The following MEIS3 variants were observed in gnomAD, a reference collection of about 807,000 sequenced individuals.
MEIS3 encodes homeobox protein Meis3.
Under a neutral mutation model 51.4 loss-of-function variants are expected in MEIS3, and 38 were observed. The observed-to-expected ratio is 0.74, with a 90% CI of 0.57 to 0.97. The LOEUF is 0.97. Ranked by LOEUF, MEIS3 falls within the 50% of genes least tolerant of loss-of-function variation. The pLI is 0.00. For synonymous variants in MEIS3, 198 were observed against 201.8 expected (o/e 0.98, Z 0.16); for missense variants, 456 against 502.6 (o/e 0.91, Z 0.89).
At chr19:47,406,817 G>C (rs1970842031) in intron 11 of MEIS3, 71 bp downstream of exon 11, 1 of 1,346,676 alleles carries the variant, frequency 7.4e-7, no homozygotes, top group Non-Finnish European at 1.0e-6. Flanking sequence ...TGAATCTCAG[G>C]TGGGCATCTT....
At chr19:47,409,894 T>G (rs984653679) in intron 6 of MEIS3, among the ~76,000 whole-genome samples, 3 of 151,250 alleles carry the variant, frequency 2.0e-5, no homozygotes. Context: ...GCCAAGGCTT[T>G]GGGCATGGAC....
chr19:47,413,302 G>T (rs1208223542), intron 6 of MEIS3, among the ~76,000 whole-genome samples: 2 of 151,712 alleles, frequency 1.3e-5, no homozygotes, highest in Admixed American at 6.6e-5. Context: ...CTGAGGCAGG[G>T]GAATAGCTTG....
chr19:47,416,425 T>C (rs1971411004), intron 4 of MEIS3: 2 of 504,698 alleles, frequency 4.0e-6, no homozygotes, highest in Non-Finnish European at 7.0e-6. Context: ...TGACTTGCCC[T>C]GGGTCACAGA....
At chr19:47,419,852 C>CT (rs1288669317), upstream of MEIS3, among the ~76,000 whole-genome samples, 21 of 152,116 alleles carry the variant, frequency 1.4e-4, no homozygotes, top group African/African-American at 4.8e-4. Context: ...TCCGAGCCCC[C>CT]TGGACACACC....
At chr19:47,416,408 T>TGCAGAGTGACTTGCCCTGGGTC (rs1357217554) in intron 4 of MEIS3, 3 of 480,588 alleles carry the variant, frequency 6.2e-6, no homozygotes, top group African/African-American at 6.1e-5. Context: ...GGCACGGAGA[T>TGCAGAGTGACTTGCCCTGGGTC]GCAGAGTGAC....
intron 12 of MEIS3, among the ~76,000 whole-genome samples, chr19:47,405,465 C>T (rs1398609671): frequency 6.6e-6 from 1 of 152,142 alleles, no homozygotes; most frequent in African/African-American, 2.4e-5. Flanking sequence ...AACTGTTACA[C>T]TGGATTGTCA....
At chr19:47,411,701 C>T (rs1339631132) in intron 6 of MEIS3, among the ~76,000 whole-genome samples, 3 of 150,722 alleles carry the variant, frequency 2.0e-5, no homozygotes, top group African/African-American at 2.4e-5. Context: ...CCACCATGCC[C>T]GGCTAATTTT....
chr19:47,410,201 A>G (rs1444188964), intron 6 of MEIS3, among the ~76,000 whole-genome samples: 2 of 152,096 alleles, frequency 1.3e-5, no homozygotes, highest in Non-Finnish European at 2.9e-5. Flanking sequence ...TAATCCCAGC[A>G]CTTTGGGAGG....
rs190718971 is a variant in MEIS3 at position 47,415,539 on chromosome 19, G to T, written c.397-438C>A. 2.4e-4 allele frequency among the ~76,000 whole-genome samples: 37 copies of T among 151,466 alleles called. No individual in the cohort carries two copies. In the East Asian group the frequency reaches 6.6e-3, roughly 27 times the overall value. On this transcript the variant is annotated intron_variant, in intron 4 of 12. Transcript: ENST00000558555. ...TGGGGAGCAAAGGATGGGAGAAGCTGGGTATTCCTCCCTCCTTTCTTCTCT... is the reference window on the plus strand; with the variant it reads ...TGGGGAGCAAAGGATGGGAGAAGCTTGGTATTCCTCCCTCCTTTCTTCTCT...
chr19:47,409,623 G>T, intron 6 of MEIS3, 76 bp from the exon 7 acceptor site: 1 of 990,920 alleles, frequency 1.0e-6, no homozygotes. Context: ...CAGCACTTTG[G>T]GAGGCCAAGG....
intron 6 of MEIS3, among the ~76,000 whole-genome samples, chr19:47,410,095 T>C (rs1002251183): frequency 2.0e-5 from 3 of 151,846 alleles, no homozygotes; most frequent in African/African-American, 7.3e-5. Flanking sequence ...TCACCTGAGG[T>C]CGGGCATTTG....
In MEIS3 at chr19:47,416,819, A is replaced by G. The variant is rs747090270; in HGVS notation, c.330T>C (p.Ala110=). 17 of 1,613,634 alleles carry G rather than the reference A, an allele frequency of 1.1e-5. No homozygotes were observed. The South Asian group carries it at 1.6e-4, about 16-fold the overall frequency. ...AGGTGCCCACCTGCTTGGCAAAGGCAGCGATGTCCTCGTTGAAGGAATCAG... is the reference window on the plus strand; with the variant it reads ...AGGTGCCCACCTGCTTGGCAAAGGCGGCGATGTCCTCGTTGAAGGAATCAG... The part of the protein sequence containing the change: ...CSSDSFNEDI[A]AFAKQVRSER... The change falls in exon 3 of 13, where the codon GCT becomes GCC. Residue 110 remains alanine (A), a synonymous_variant. Coordinates refer to ENST00000558555, the MANE Select transcript of MEIS3 (RefSeq NM_001301059.2).
chr19:47,407,023 G>A lies in MEIS3; in HGVS notation c.995-52C>T, dbSNP rs1380053679. The A allele has an allele frequency of 4.4e-6, 7 of 1,583,098 alleles. No individual in the cohort carries two copies. In the African/African-American group the frequency reaches 5.4e-5, roughly 12 times the overall value. On this transcript the variant is annotated intron_variant, in intron 10 of 12. Transcript: ENST00000558555. ...CTGAGCCCCAGGAAGCCCGGGACCCGGCTTTGACGCCCTCCTAAGAACCCC... is the reference window on the plus strand; with the variant it reads ...CTGAGCCCCAGGAAGCCCGGGACCCAGCTTTGACGCCCTCCTAAGAACCCC...
rs1970823998 is a variant in MEIS3 at position 47,406,490 on chromosome 19, C to T, written c.1115G>A (p.Trp372Ter). The change falls in exon 12 of 13, where the codon TGG becomes TAG. Residue 372 changes from tryptophan (W) to a stop codon, truncating the protein, a stop_gained. Transcript: ENST00000558555. LOFTEE classifies it high-confidence loss of function. ...VGMSLNLEGEWHYL is the reference protein window; with the variant it reads ...VGMSLNLEGE Reference sequence around the variant, plus strand: ...CTGCATCAGCCTCTATAGATAATGCCATTCTCCTTCCAAGTTCAAACTCAT... The same window carrying T: ...CTGCATCAGCCTCTATAGATAATGCTATTCTCCTTCCAAGTTCAAACTCAT... The T allele has an allele frequency of 1.9e-6, 3 of 1,613,742 alleles. No homozygotes were observed. The highest frequency in any genetic ancestry group is 2.2e-5 in the South Asian group (2 of 91,064).
chr19:47,408,570 G>T (rs1349577734), intron 8 of MEIS3, among the ~76,000 whole-genome samples: 5 of 151,964 alleles, frequency 3.3e-5, no homozygotes, highest in Admixed American at 1.3e-4. Context: ...CTGTGACTCG[G>T]CCTCTCCCTG....
chr19:47,413,592 G>A (rs1287300846), intron 6 of MEIS3, among the ~76,000 whole-genome samples: 1 of 151,906 alleles, frequency 6.6e-6, no homozygotes, highest in African/African-American at 2.4e-5. Flanking sequence ...CCTGTACTCT[G>A]TATGGAGCTG....
chr19:47,415,665 C>T (rs1241506459), intron 4 of MEIS3, among the ~76,000 whole-genome samples: 2 of 151,164 alleles, frequency 1.3e-5, no homozygotes, highest in Admixed American at 6.6e-5. Flanking sequence ...CCTCTGCCTC[C>T]CAGGTTCAAG....
At chr19:47,406,730 A>G (rs1970836416) in intron 11 of MEIS3, among the ~76,000 whole-genome samples, 158 bp downstream of exon 11, 1 of 152,224 alleles carries the variant, frequency 6.6e-6, no homozygotes, top group African/African-American at 2.4e-5. Flanking sequence ...TGTAAGGAAA[A>G]GATGGGGGAC....
intron 11 of MEIS3, 129 bp from the exon 12 acceptor site, chr19:47,406,655 C>A: frequency 1.0e-6 from 1 of 993,768 alleles, no homozygotes; most frequent in Non-Finnish European, 1.5e-6. Flanking sequence ...TAAGAAGGTG[C>A]TGGCCCTTTA....
Sources: allele counts gnomAD v4.1 joint callset (sites outside exome capture counted in the v4.1 genomes callset), GRCh38; gene constraint gnomAD v4.1.1; transcripts MANE v1.5; gene names NCBI Gene and HGNC (gene_info 2026-07-23, HGNC 2026-07-21).